Variants in ESPNL observed in about 807,000 individuals in gnomAD.
ESPNL encodes espin-like protein.
ESPNL carries 49 observed loss-of-function variants against 46.8 expected under a neutral mutation model. The observed-to-expected ratio is 1.05, with a 90% CI of 0.83 to 1.33. The LOEUF (loss-of-function observed/expected upper bound fraction) is 1.33, where lower values mean the gene tolerates loss of function less well. Ranked by LOEUF, ESPNL falls within the 40% of genes most tolerant of loss-of-function variation. ESPNL has a pLI of 0.00. For synonymous variants in ESPNL, 664 were observed against 662.1 expected (o/e 1.00, Z -0.04); for missense variants, 1,540 against 1,436.6 (o/e 1.07, Z -1.16).
At chr2:238,124,864 T>C (rs1692070237) in intron 5 of ESPNL, among the ~76,000 whole-genome samples, 1 of 151,994 alleles carries the variant, frequency 6.6e-6, no homozygotes. Flanking sequence ...AGAGCATACA[T>C]GCGTGTGTGT....
At chr2:238,111,313 C>T (rs1362262861) in intron 4 of ESPNL, among the ~76,000 whole-genome samples, 1 of 151,948 alleles carries the variant, frequency 6.6e-6, no homozygotes, top group Non-Finnish European at 1.5e-5. Flanking sequence ...TAAAATTTAC[C>T]ATCTTAGCCA....
At chr2:238,107,139 A>AGGCCCC (rs1248821246) in intron 3 of ESPNL, among the ~76,000 whole-genome samples, 1 of 152,222 alleles carries the variant, frequency 6.6e-6, no homozygotes, top group Non-Finnish European at 1.5e-5. Flanking sequence ...TGGCAGGCCC[A>AGGCCCC]GGCCCCATGT....
intron 8 of ESPNL, among the ~76,000 whole-genome samples, chr2:238,129,437 C>T (rs551511607): frequency 1.4e-4 from 21 of 152,234 alleles, no homozygotes; most frequent in African/African-American, 4.3e-4. Context: ...GTCCTGAGGC[C>T]GGGCTGGCCG....
rs1302763071 is a variant in ESPNL at position 238,131,384 on chromosome 2, C to T, written c.2670C>T (p.Gly890=). The stretch of plus-strand genomic sequence containing the variant: ...GCTTCGAGGTCTTCGAGCACCTGGG[C>T]ACCCACGGCTGGGAGGCTGTGCGCG... ...LLCFEVFEHL[G]THGWEAVRAF... is the part of the protein sequence containing the mutation. Residue 890 remains glycine (G), a synonymous_variant, in exon 9 of 9, where the codon GGC becomes GGT. Transcript: ENST00000343063. 1 of 1,605,040 alleles carries T rather than the reference C, an allele frequency of 6.2e-7. No individual in the cohort carries two copies. The highest frequency in any genetic ancestry group is 8.5e-7 in the Non-Finnish European group (1 of 1,176,774).
In ESPNL at chr2:238,128,829, C is replaced by G; in HGVS notation, c.1338C>G (p.Ile446Met). ...VPTRDERGQP[I>M]PEWKRQVMVR... ...CGCGGGATGAGCGCGGCCAGCCCAT[C>G]CCAGAGTGGAAGCGGCAGGTGATGG... is the stretch of plus-strand genomic sequence containing the variant. Residue 446 changes from isoleucine (I) to methionine (M), a missense_variant, in exon 8 of 9, where the codon ATC (isoleucine) becomes ATG (methionine). By Grantham distance (10) the Ile-to-Met change is conservative. Transcript: ENST00000343063. 2 of 1,550,436 alleles carry G rather than the reference C, an allele frequency of 1.3e-6. No individual in the cohort carries two copies. The highest frequency in any genetic ancestry group is 3.9e-5 in the Admixed American group (2 of 51,144).
chr2:238,119,011 TGGA>T (rs1691906113), intron 5 of ESPNL, among the ~76,000 whole-genome samples: 1 of 124,598 alleles, frequency 8.0e-6, no homozygotes, highest in African/African-American at 3.2e-5. Flanking sequence ...AGAGGATTGA[TGGA>T]GGAGGGTGGA....
intron 3 of ESPNL, among the ~76,000 whole-genome samples, chr2:238,106,028 G>A (rs1691590101): frequency 6.6e-6 from 1 of 152,156 alleles, no homozygotes. Context: ...TATGGGGGGA[G>A]CCGCCTGCCC....
At position 238,116,946 on chromosome 2, in the gene ESPNL, G is replaced by C. The variant is rs546255221; in HGVS notation, c.899G>C (p.Arg300Pro). 3 of 1,612,700 alleles carry C rather than the reference G, an allele frequency of 1.9e-6. No individual in the cohort carries two copies. The Admixed American group carries it at 5.0e-5, about 27-fold the overall frequency. Reference sequence around the variant, plus strand: ...TCCCACCACGTGGACCCCTCCCTGCGGGATGAAGATGGTTACACGGCGGCA... The same window carrying C: ...TCCCACCACGTGGACCCCTCCCTGCCGGATGAAGATGGTTACACGGCGGCA... The part of the protein sequence containing the change: ...LVSHHVDPSL[R>P]DEDGYTAADL... The change falls in exon 5 of 9, where the codon CGG becomes CCG. Residue 300 changes from arginine (R) to proline (P), a missense_variant. Coordinates refer to ENST00000343063, the MANE Select transcript of ESPNL (RefSeq NM_194312.4).
chr2:238,101,949 T>C lies in ESPNL; in HGVS notation c.303T>C (p.Asp101=), dbSNP rs989166960. The C allele has an allele frequency of 6.2e-7, 1 of 1,608,090 alleles. No individual in the cohort carries two copies. The highest frequency in any genetic ancestry group is 1.3e-5 in the African/African-American group (1 of 74,858). The part of the protein sequence containing the change: ...REGGCGLQDQ[D]ASGVSPLHLA... ...TACCCGGGGCTTGGTAGGACCAAGA[T>C]GCCTCGGGCGTCTCCCCGCTGCACC... Residue 101 remains aspartate (D), a synonymous_variant, in exon 2 of 9, where the codon GAT becomes GAC. Coordinates refer to ENST00000343063, the MANE Select transcript of ESPNL (RefSeq NM_194312.4).
rs992663373 is a variant in ESPNL, at chr2:238,104,733, A to T, written c.563A>T (p.Gln188Leu). Residue 188 changes from glutamine to leucine, a missense_variant, in exon 3 of 9, where the codon CAG becomes CTG. By Grantham distance (113) the Gln-to-Leu change is moderately radical. Transcript: ENST00000343063. ...ACQEGHLHLA[Q>L]FLVKDCGADV... is the part of the protein sequence containing the mutation. The stretch of plus-strand genomic sequence containing the variant: ...CAGGAGGGCCACCTGCACCTGGCCC[A>T]GTTCCTGGTGAAGGACTGTGGCGCT... The T allele has an allele frequency of 7.5e-6, 12 of 1,608,444 alleles. No individual in the cohort carries two copies. Among genetic ancestry groups the T allele is most frequent in the African/African-American group, 1.3e-5 (1 of 74,866 alleles).
At position 238,130,197 on chromosome 2, in the gene ESPNL, C is replaced by T. The variant is rs759030987; in HGVS notation, c.1483C>T (p.Leu495=). ...WRYSQTHQAI[L]GPFGELLTED... is the part of the protein sequence containing the mutation. ...GTACTCACAGACTCATCAGGCCATC[C>T]TGGGGCCCTTTGGGGAGCTGCTGAC... is the stretch of plus-strand genomic sequence containing the variant. Residue 495 remains leucine (L), a synonymous_variant, in exon 9 of 9, where the codon CTG becomes TTG. Transcript: ENST00000343063. 1 of 1,612,658 alleles carries T rather than the reference C, an allele frequency of 6.2e-7. No homozygotes were observed. The highest frequency in any genetic ancestry group is 1.1e-5 in the South Asian group (1 of 90,886).
Position 238,104,701 on chromosome 2 carries a change from G to A in ESPNL, c.531G>A (p.Leu177=). The A allele has an allele frequency of 6.2e-7, 1 of 1,607,288 alleles. No individual in the cohort carries two copies. Among genetic ancestry groups the A allele is most frequent in the Non-Finnish European group, 8.5e-7 (1 of 1,178,064 alleles). The change falls in exon 3 of 9, where the codon CTG becomes CTA. Residue 177 remains leucine (L), a synonymous_variant. Coordinates refer to ENST00000343063, the MANE Select transcript of ESPNL (RefSeq NM_194312.4). ...GCAGTGGCGCCTCCCCACTCTACCTGGCCTGCCAGGAGGGCCACCTGCACC... is the reference window on the plus strand; with the variant it reads ...GCAGTGGCGCCTCCCCACTCTACCTAGCCTGCCAGGAGGGCCACCTGCACC... ...RTRSGASPLY[L]ACQEGHLHLA... is the part of the protein sequence containing the mutation.
chr2:238,116,907 G>T lies in ESPNL; in HGVS notation c.860G>T (p.Cys287Phe). 1 of 1,612,460 alleles carries T rather than the reference G, an allele frequency of 6.2e-7. No individual in the cohort carries two copies. The change falls in exon 5 of 9, where the codon TGC becomes TTC. Residue 287 changes from cysteine (C) to phenylalanine (F), a missense_variant. Transcript: ENST00000343063. ...DAAENGQMEC[C>F]QTLVSHHVDP... is the part of the protein sequence containing the mutation. ...TGTGTGCCCTCCTCACTGCAGTGCT[G>T]CCAGACCCTAGTCTCCCACCACGTG... is the stretch of plus-strand genomic sequence containing the variant.
At chr2:238,128,286 G>A (rs980319511) in intron 7 of ESPNL, among the ~76,000 whole-genome samples, 1 of 152,242 alleles carries the variant, frequency 6.6e-6, no homozygotes, top group Non-Finnish European at 1.5e-5. Flanking sequence ...CCGTCGTGGA[G>A]AGCTGGAGCG....
chr2:238,125,826 A>T (rs1198296718), intron 6 of ESPNL, among the ~76,000 whole-genome samples: 1 of 152,072 alleles, frequency 6.6e-6, no homozygotes, highest in Non-Finnish European at 1.5e-5. Flanking sequence ...AATTATCAAC[A>T]GGTGCCACAG....
At chr2:238,110,949 CTTTTTT>C (rs5839686) in intron 4 of ESPNL, among the ~76,000 whole-genome samples, 2 of 111,002 alleles carry the variant, frequency 1.8e-5, no homozygotes, top group South Asian at 6.2e-4. Context: ...ATTAGTTATT[CTTTTTT>C]TTTTTTTTTT....
chr2:238,131,244 G>T lies in ESPNL; in HGVS notation c.2530G>T (p.Asp844Tyr), dbSNP rs1414285826. ...CCCCGAGCAGTTCCTGCCCCACGTG[G>T]ACGGGGCTCCGGTGCCCTACAGCAG... is the stretch of plus-strand genomic sequence containing the variant. ...LSPEQFLPHV[D>Y]GAPVPYSSLS... The change falls in exon 9 of 9, where the codon GAC becomes TAC. Residue 844 changes from aspartate to tyrosine, a missense_variant. Asp to Tyr is a radical substitution (Grantham distance 160). Coordinates refer to ENST00000343063, the MANE Select transcript of ESPNL (RefSeq NM_194312.4). 1 of 1,566,962 alleles carries T rather than the reference G, an allele frequency of 6.4e-7. No individual in the cohort carries two copies. Among genetic ancestry groups the T allele is most frequent in the East Asian group, 2.4e-5 (1 of 42,476 alleles).
intron 8 of ESPNL, 61 bp from the exon 9 acceptor site, chr2:238,130,067 T>C (rs1692251354): frequency 6.5e-7 from 1 of 1,548,034 alleles, no homozygotes. Context: ...ACTTGGAAGC[T>C]AGGTGGGCTG....
At chr2:238,109,013 T>A (rs1691661989) in intron 4 of ESPNL, among the ~76,000 whole-genome samples, 1 of 152,084 alleles carries the variant, frequency 6.6e-6, no homozygotes, top group African/African-American at 2.4e-5. Flanking sequence ...CCATCCCCCG[T>A]CCACTCAGCT....
Sources: allele counts gnomAD v4.1 joint callset (sites outside exome capture counted in the v4.1 genomes callset), GRCh38; gene constraint gnomAD v4.1.1; transcripts MANE v1.5; gene names NCBI Gene and HGNC (gene_info 2026-07-23, HGNC 2026-07-21).